ZNF341: variants seen among roughly 807,000 people sequenced by gnomAD.
ZNF341 encodes zinc finger protein 341.
A neutral mutation model predicts 87.7 loss-of-function variants in ZNF341; 52 were observed. The observed-to-expected ratio is 0.59, with a 90% CI of 0.47 to 0.75. ZNF341 has a LOEUF of 0.75. ZNF341 is among the 30% of genes least tolerant of loss of function. ZNF341 has a pLI of 0.00. For missense variants in ZNF341, 977 were observed against 1,145.9 expected (o/e 0.85, Z 2.13); for synonymous variants, 459 against 472.7 (o/e 0.97, Z 0.38).
At chr20:33,759,843 A>G in intron 7 of ZNF341, among the ~76,000 whole-genome samples, 1 of 152,002 alleles carries the variant, frequency 6.6e-6, no homozygotes, top group South Asian at 2.1e-4. Flanking sequence ...AACAGCTTCT[A>G]TCTAGACCAG....
intron 12 of ZNF341, 70 bp downstream of exon 12, chr20:33,783,934 C>T (rs1601289389): frequency 2.1e-6 from 3 of 1,423,668 alleles, no homozygotes; most frequent in Non-Finnish European, 2.8e-6. Context: ...TCATGCCTTT[C>T]TCTCTCTTCC....
At chr20:33,736,254 C>T (rs2018682974) in intron 1 of ZNF341, among the ~76,000 whole-genome samples, 1 of 151,590 alleles carries the variant, frequency 6.6e-6, no homozygotes, top group Non-Finnish European at 1.5e-5. Context: ...AGCCCCCCAC[C>T]ATTCTGAAAC....
chr20:33,769,396 G>A (rs1419257484), intron 9 of ZNF341, among the ~76,000 whole-genome samples: 37 of 150,218 alleles, frequency 2.5e-4, no homozygotes, highest in Admixed American at 1.9e-3. Flanking sequence ...GCAGTGGGAG[G>A]GGTGGCGGGG....
intron 10 of ZNF341, among the ~76,000 whole-genome samples, chr20:33,778,566 C>T (rs1358321248): frequency 1.3e-5 from 2 of 152,226 alleles, no homozygotes; most frequent in Admixed American, 1.3e-4. Context: ...CCACCTCGGC[C>T]TCCCAAAGTG....
intron 1 of ZNF341, among the ~76,000 whole-genome samples, chr20:33,737,091 G>A (rs754550391): frequency 6.6e-6 from 1 of 152,174 alleles, no homozygotes; most frequent in African/African-American, 2.4e-5. Context: ...CTGCCAGATG[G>A]TCTTTGGTGA....
intron 1 of ZNF341, among the ~76,000 whole-genome samples, chr20:33,738,097 A>AT (rs2018729481): frequency 6.7e-6 from 1 of 149,044 alleles, no homozygotes; most frequent in Non-Finnish European, 1.5e-5. Context: ...AGATTGCGCC[A>AT]TTGCACTCCA....
At position 33,741,251 on chromosome 20, in the gene ZNF341, C is replaced by T. The variant is rs558168888; in HGVS notation, c.142+239C>T. ...AATGTGGGGAGATGGGATCAAGATG[C>T]AGGGAATGGCTAAGGGCCCCAATGC... is the stretch of plus-strand genomic sequence containing the variant. On this transcript the variant is annotated intron_variant, in intron 2 of 14. Coordinates refer to ENST00000375200, the MANE Select transcript of ZNF341 (RefSeq NM_001282933.2). Among the ~76,000 whole-genome samples the T allele has an allele frequency of 2.0e-5, 3 of 152,288 alleles. No individual in the cohort carries two copies. In the South Asian group the frequency reaches 6.2e-4, roughly 32 times the overall value.
chr20:33,734,738 A>G (rs1189734654), intron 1 of ZNF341, among the ~76,000 whole-genome samples: 2 of 151,870 alleles, frequency 1.3e-5, no homozygotes, highest in African/African-American at 2.4e-5. Context: ...AGCATCTCAC[A>G]CTGTCTCCCA....
intron 12 of ZNF341, among the ~76,000 whole-genome samples, chr20:33,786,326 A>G (rs2019863012): frequency 6.6e-6 from 1 of 152,116 alleles, no homozygotes; most frequent in African/African-American, 2.4e-5. Context: ...GTTAAATTAC[A>G]TTTCAGCTAT....
At chr20:33,744,204 A>G (rs768945407) in intron 2 of ZNF341, among the ~76,000 whole-genome samples, 1 of 152,056 alleles carries the variant, frequency 6.6e-6, no homozygotes, top group Admixed American at 6.6e-5. Context: ...AATCGCATGA[A>G]TATGGGAGGC....
intron 2 of ZNF341, among the ~76,000 whole-genome samples, chr20:33,744,303 G>A (rs1324434854): frequency 2.0e-5 from 3 of 150,590 alleles, no homozygotes; most frequent in Admixed American, 6.6e-5. Flanking sequence ...AAAAAAAAAA[G>A]AAAAGAAAAG....
intron 12 of ZNF341, 26 bp from the exon 13 acceptor site, chr20:33,788,837 G>T (rs1435300664): frequency 6.2e-7 from 1 of 1,603,124 alleles, no homozygotes; most frequent in Admixed American, 1.7e-5. Context: ...GTGAGTGCTG[G>T]CTCTCCCTGT....
At chr20:33,753,823 A>G (rs2019112889) in intron 5 of ZNF341, among the ~76,000 whole-genome samples, 1 of 152,236 alleles carries the variant, frequency 6.6e-6, no homozygotes, top group Non-Finnish European at 1.5e-5. Flanking sequence ...TGGGTAAGAA[A>G]TATCCATCAG....
At chr20:33,772,978 C>T (rs532525678) in intron 10 of ZNF341, among the ~76,000 whole-genome samples, 4 of 152,262 alleles carry the variant, frequency 2.6e-5, no homozygotes, top group South Asian at 2.1e-4. Flanking sequence ...GACTTATTCC[C>T]GTTTGCACTT....
chr20:33,746,228 CT>C (rs34461652), intron 3 of ZNF341, among the ~76,000 whole-genome samples: 1,076 of 104,086 alleles, frequency 0.01, 14 homozygotes, highest in African/African-American at 0.047. Context: ...CGCGCCCGGC[CT>C]TTTTTTTTTT....
intron 1 of ZNF341, among the ~76,000 whole-genome samples, chr20:33,734,917 G>C (rs2018647379): frequency 6.6e-6 from 1 of 152,032 alleles, no homozygotes; most frequent in Non-Finnish European, 1.5e-5. Context: ...TGTTGGCCAG[G>C]CTGGTCTCAA....
At chr20:33,790,072 A>ATT (rs11470365) in intron 14 of ZNF341, among the ~76,000 whole-genome samples, 40 of 140,902 alleles carry the variant, frequency 2.8e-4, no homozygotes, top group Admixed American at 3.6e-4. Context: ...GGGCCAGATA[A>ATT]TTTTTTTTTT....
chr20:33,790,903 A>G, intron 14 of ZNF341, 85 bp from the exon 15 acceptor site: 1 of 1,470,062 alleles, frequency 6.8e-7, no homozygotes, highest in South Asian at 1.3e-5. Context: ...TGGTGGGGAA[A>G]GAGCCTGGAT....
intron 12 of ZNF341, among the ~76,000 whole-genome samples, chr20:33,785,373 C>T (rs528419854): frequency 4.6e-5 from 7 of 152,088 alleles, no homozygotes; most frequent in African/African-American, 1.7e-4. Context: ...GACAGGGTCT[C>T]ACTCTGTCAC....
Sources: allele counts gnomAD v4.1 joint callset (sites outside exome capture counted in the v4.1 genomes callset), GRCh38; gene constraint gnomAD v4.1.1; transcripts MANE v1.5; gene names NCBI Gene and HGNC (gene_info 2026-07-23, HGNC 2026-07-21).